Variants in CKAP5 observed in about 807,000 individuals in gnomAD.
The protein encoded by CKAP5 is cytoskeleton associated protein 5.
Under a neutral mutation model 232.8 loss-of-function variants are expected in CKAP5, and 27 were observed. That is an observed-to-expected ratio of 0.12 (90% CI 0.09 to 0.16). The LOEUF (loss-of-function observed/expected upper bound fraction) is 0.16, where lower values mean the gene tolerates loss of function less well. Ranked by LOEUF, CKAP5 falls within the 10% of genes least tolerant of loss-of-function variation. The pLI, the probability that CKAP5 is intolerant of heterozygous loss-of-function variation, is 1.00. For missense variants in CKAP5, 1,838 were observed against 2,424.7 expected, an observed-to-expected ratio of 0.76 and a Z score of 5.08; for synonymous variants, 785 against 841.1, an observed-to-expected ratio of 0.93 and a Z score of 1.16.
intron 27 of CKAP5, among the ~76,000 whole-genome samples, chr11:46,766,500 GAAGA>G (rs1565724505): frequency 6.6e-6 from 1 of 152,168 alleles, no homozygotes; most frequent in Non-Finnish European, 1.5e-5. Flanking sequence ...GTAATATTTA[GAAGA>G]AAGGCCCTAG....
chr11:46,781,715 C>CA (rs1427074729), intron 18 of CKAP5, among the ~76,000 whole-genome samples: 1 of 152,092 alleles, frequency 6.6e-6, no homozygotes, highest in Non-Finnish European at 1.5e-5. Flanking sequence ...GTCATTTTTT[C>CA]AGGAAGAACT....
chr11:46,777,630 C>G, intron 22 of CKAP5, 78 bp from the exon 23 acceptor site: 1 of 892,994 alleles, frequency 1.1e-6, no homozygotes, highest in Non-Finnish European at 1.8e-6. Context: ...TGCTGCTATA[C>G]TGTCAATACA....
At chr11:46,784,888 C>T (rs935246592) in intron 16 of CKAP5, among the ~76,000 whole-genome samples, 10 of 152,168 alleles carry the variant, frequency 6.6e-5, no homozygotes, top group African/African-American at 2.2e-4. Flanking sequence ...AAAAAAGCTA[C>T]TCAGTGTTCC....
intron 28 of CKAP5, 122 bp from the exon 29 acceptor site, chr11:46,763,752 A>G (rs2065176384): frequency 1.7e-6 from 1 of 583,422 alleles, no homozygotes; most frequent in Non-Finnish European, 2.6e-6. Context: ...ATTCATTTGT[A>G]ATTAAATATG....
Position 46,816,229 on chromosome 11 carries a change from C to T in CKAP5, c.427G>A (p.Ala143Thr). The T allele has an allele frequency of 6.2e-7, 1 of 1,614,034 alleles. No homozygotes were observed. Among genetic ancestry groups the T allele is most frequent in the Non-Finnish European group, 8.5e-7 (1 of 1,179,942 alleles). Reference sequence around the variant, plus strand: ...GCTTTCCTCAGTGTCTCTATACAGGCCACTATGATCTTGGGATTCTTATTG... The same window carrying T: ...GCTTTCCTCAGTGTCTCTATACAGGTCACTATGATCTTGGGATTCTTATTG... ...LDNKNPKIIV[A>T]CIETLRKALS... The change falls in exon 4 of 44, where the codon GCC (alanine) becomes ACC (threonine). Residue 143 changes from alanine (A) to threonine (T), a missense_variant. Physicochemically the swap from Ala to Thr is moderately conservative, Grantham distance 58. Coordinates refer to ENST00000529230, the MANE Select transcript of CKAP5 (RefSeq NM_001008938.4).
In CKAP5 at chr11:46,823,282, T is replaced by C. The variant is rs1433645114; in HGVS notation, c.-37-2014A>G. Among the ~76,000 whole-genome samples the C allele has an allele frequency of 8.5e-5, 13 of 152,124 alleles. No homozygotes were observed. The East Asian group carries it at 2.5e-3, about 29-fold the overall frequency. ...AGACAACACCTTTTTCTTATAAAAG[T>C]AATGTGTGTAAACTGCAGAAAATTT... On this transcript the variant is annotated intron_variant, in intron 1 of 43. Transcript: ENST00000529230.
At chr11:46,799,245 T>C (rs1938970631) in intron 9 of CKAP5, among the ~76,000 whole-genome samples, 1 of 152,058 alleles carries the variant, frequency 6.6e-6, no homozygotes, top group South Asian at 2.1e-4. Context: ...GACGGGGGTT[T>C]CTCCATGTTG....
intron 13 of CKAP5, among the ~76,000 whole-genome samples, chr11:46,792,315 G>A (rs1285421289): frequency 6.6e-6 from 1 of 152,172 alleles, no homozygotes; most frequent in Non-Finnish European, 1.5e-5. Flanking sequence ...CACTTTGGGA[G>A]TCTGAGGCAG....
chr11:46,785,583 T>A (rs1446908768), intron 16 of CKAP5, among the ~76,000 whole-genome samples: 2 of 152,174 alleles, frequency 1.3e-5, no homozygotes, highest in Non-Finnish European at 2.9e-5. Flanking sequence ...TCAAGTGGGA[T>A]CTCACCTCAG....
At chr11:46,787,694 T>G (rs1433852773) in intron 16 of CKAP5, among the ~76,000 whole-genome samples, 2 of 152,068 alleles carry the variant, frequency 1.3e-5, no homozygotes, top group Non-Finnish European at 2.9e-5. Flanking sequence ...GGCCTAAAAA[T>G]GAGAAGAAAA....
chr11:46,826,051 C>T (rs1939644152), intron 1 of CKAP5, among the ~76,000 whole-genome samples: 1 of 152,064 alleles, frequency 6.6e-6, no homozygotes, highest in African/African-American at 2.4e-5. Context: ...TCTGCATTAC[C>T]AGGCGGCCAG....
At chr11:46,775,789 A>G (rs1019774764) in intron 24 of CKAP5, among the ~76,000 whole-genome samples, 3 of 151,442 alleles carry the variant, frequency 2.0e-5, no homozygotes, top group African/African-American at 7.3e-5. Flanking sequence ...GTACGGGCAC[A>G]GGGAGGGGAA....
At chr11:46,845,586 A>G (rs913850861) in intron 1 of CKAP5, among the ~76,000 whole-genome samples, 2 of 152,102 alleles carry the variant, frequency 1.3e-5, no homozygotes, top group Non-Finnish European at 2.9e-5. Flanking sequence ...GGCCCAACCC[A>G]CACTGCTGGC....
chr11:46,816,279 T>C lies in CKAP5; in HGVS notation c.377A>G (p.Gln126Arg). The change falls in exon 4 of 44, where the codon CAA becomes CGA. Residue 126 changes from glutamine to arginine, a missense_variant. By Grantham distance (43) the Gln-to-Arg change is conservative. Around this residue, in one of 6 missense-constraint regions of CKAP5, gnomAD observed 285 missense variants for 300.0 expected, o/e 0.95. Transcript: ENST00000529230. ...GTCCAAGCCTTTCAGGAGCTCTTCT[T>C]GAACAGCCTCTCCTTTCTCAATCTC... Reference protein sequence around the residue: ...YIEIEKGEAVQEELLKGLDNK... With the variant: ...YIEIEKGEAVREELLKGLDNK... The C allele has an allele frequency of 6.2e-7, 1 of 1,614,194 alleles. No individual in the cohort carries two copies. The highest frequency in any genetic ancestry group is 8.5e-7 in the Non-Finnish European group (1 of 1,180,016).
At position 46,809,767 on chromosome 11, in the gene CKAP5, CTGT is replaced by C. The variant is rs867492173; in HGVS notation, c.735_737del (p.Gln246del). ...CTCCTTCAGCATCTCCACCAGCAGACTGTTGTTGTTCCAATTTAGCTTCTAGTT... is the reference window on the plus strand; with the variant it reads ...CTCCTTCAGCATCTCCACCAGCAGACTGTTGTTCCAATTTAGCTTCTAGTT... On this transcript the variant is annotated inframe_deletion, in exon 6 of 44. Coordinates refer to ENST00000529230, the MANE Select transcript of CKAP5 (RefSeq NM_001008938.4). 27 of 1,614,004 alleles carry C rather than the reference CTGT, an allele frequency of 1.7e-5. No homozygotes were observed. The highest frequency in any genetic ancestry group is 1.6e-4 in the African/African-American group (12 of 74,908).
chr11:46,826,368 C>T (rs1261702406), intron 1 of CKAP5, among the ~76,000 whole-genome samples: 1 of 152,160 alleles, frequency 6.6e-6, no homozygotes, highest in Non-Finnish European at 1.5e-5. Context: ...AGCTGAAAAC[C>T]TAATGCTTAC....
intron 40 of CKAP5, 59 bp from the exon 41 acceptor site, chr11:46,750,670 G>T: frequency 7.6e-7 from 1 of 1,313,812 alleles, no homozygotes; most frequent in Non-Finnish European, 1.1e-6. Flanking sequence ...ATTAGGAACT[G>T]ATGGTTGGAT....
In CKAP5 at chr11:46,790,502, C is replaced by G. The variant is rs2078875277; in HGVS notation, c.1732G>C (p.Glu578Gln). ...NTGTKNKKGL[E>Q]TKEIVEPELS... ...TCAGGCTCCACTATTTCTTTAGTCTCCAGTCCTTTCTTGTTCTTGGTTCCA... is the reference window on the plus strand; with the variant it reads ...TCAGGCTCCACTATTTCTTTAGTCTGCAGTCCTTTCTTGTTCTTGGTTCCA... The change falls in exon 14 of 44, where the codon GAG becomes CAG. Residue 578 changes from glutamate to glutamine, a missense_variant. Coordinates refer to ENST00000529230, the MANE Select transcript of CKAP5 (RefSeq NM_001008938.4). 6 of 1,613,920 alleles carry G rather than the reference C, an allele frequency of 3.7e-6. No individual in the cohort carries two copies. Among genetic ancestry groups the G allele is most frequent in the Non-Finnish European group, 5.1e-6 (6 of 1,179,836 alleles).
intron 31 of CKAP5, 50 bp from the exon 32 acceptor site, chr11:46,762,243 G>A (rs1045457954): frequency 1.9e-6 from 3 of 1,559,032 alleles, no homozygotes; most frequent in Middle Eastern, 1.7e-4. Context: ...ATTTGGGACA[G>A]AGACTTATCC....
Sources: allele counts gnomAD v4.1 joint callset (sites outside exome capture counted in the v4.1 genomes callset), GRCh38; gene constraint gnomAD v4.1.1; regional missense constraint gnomAD v4.1.1; transcripts MANE v1.5; gene names NCBI Gene and HGNC (gene_info 2026-07-23, HGNC 2026-07-21).